ZNF362: variants seen among roughly 807,000 people sequenced by gnomAD.
ZNF362 encodes zinc finger protein 362.
Under a neutral mutation model 42.9 loss-of-function variants are expected in ZNF362, and 11 were observed. The ratio of observed to expected loss-of-function variants is 0.26; its 90% CI spans 0.16 to 0.42. The LOEUF (loss-of-function observed/expected upper bound fraction) is 0.42, where lower values mean the gene tolerates loss of function less well. Among genes scored for constraint, ZNF362 ranks in the 20% least tolerant of loss-of-function variants. The pLI is 1.00. For missense variants in ZNF362, 362 were observed against 576.2 expected (o/e 0.63, Z 3.81); for synonymous variants, 255 against 257.3 (o/e 0.99, Z 0.09).
chr1:33,203,471 T>C, the ZNF362 span, among the ~76,000 whole-genome samples: 1 of 152,206 alleles, frequency 6.6e-6, no homozygotes, highest in African/African-American at 2.4e-5. Flanking sequence ...TGATTTTATT[T>C]CATTTTTGTA....
chr1:33,202,614 C>G, the ZNF362 span, among the ~76,000 whole-genome samples: 1 of 148,306 alleles, frequency 6.7e-6, no homozygotes, highest in Non-Finnish European at 1.5e-5. Flanking sequence ...AAAAAAGACG[C>G]TATATCATGA....
At chr1:33,258,888 G>A (rs914446834) in intron 1 of ZNF362, among the ~76,000 whole-genome samples, 1 of 152,200 alleles carries the variant, frequency 6.6e-6, no homozygotes, top group South Asian at 2.1e-4. Flanking sequence ...GACTCAGAGA[G>A]GTTGAACAGT....
chr1:33,207,437 A>T, the ZNF362 span, among the ~76,000 whole-genome samples: 2 of 152,224 alleles, frequency 1.3e-5, no homozygotes, highest in African/African-American at 4.8e-5. Flanking sequence ...TTATAGCAGC[A>T]TGATTTATAA....
At chr1:33,172,695 A>G in the ZNF362 span, among the ~76,000 whole-genome samples, 1 of 152,110 alleles carries the variant, frequency 6.6e-6, no homozygotes, top group African/African-American at 2.4e-5. Context: ...AGAAGCCAGG[A>G]CTGGGGCAAC....
the ZNF362 span, chr1:33,160,094 G>T: frequency 9.6e-7 from 1 of 1,038,774 alleles, no homozygotes. Flanking sequence ...CAAAAGCATG[G>T]TGGTAGGAAA....
intron 2 of ZNF362, among the ~76,000 whole-genome samples, chr1:33,273,041 C>T (rs538691803): frequency 2.0e-5 from 3 of 152,374 alleles, no homozygotes; most frequent in East Asian, 3.9e-4. Flanking sequence ...GCTGTCTTAC[C>T]CCTTCACCTC....
At chr1:33,182,696 G>A in the ZNF362 span, among the ~76,000 whole-genome samples, 1 of 152,046 alleles carries the variant, frequency 6.6e-6, no homozygotes, top group Admixed American at 6.6e-5. Flanking sequence ...CTTGTCTTGT[G>A]TGCCAGATGG....
the ZNF362 span, among the ~76,000 whole-genome samples, chr1:33,187,945 T>C: frequency 6.6e-6 from 1 of 152,152 alleles, no homozygotes; most frequent in African/African-American, 2.4e-5. Context: ...TAGAAATACA[T>C]GTAAGGGAGG....
At chr1:33,193,829 C>T in the ZNF362 span, among the ~76,000 whole-genome samples, 9 of 152,098 alleles carry the variant, frequency 5.9e-5, no homozygotes, top group Non-Finnish European at 2.9e-5. Context: ...AAGAGCATAG[C>T]CTTAACTAAA....
intron 6 of ZNF362, among the ~76,000 whole-genome samples, chr1:33,286,044 CAG>C (rs1408896076): frequency 1.3e-5 from 2 of 152,112 alleles, no homozygotes; most frequent in Non-Finnish European, 2.9e-5. Context: ...GCCTGGGTGA[CAG>C]AGCAAGACCC....
At chr1:33,264,099 T>C (rs977810444) in intron 1 of ZNF362, among the ~76,000 whole-genome samples, 1 of 152,184 alleles carries the variant, frequency 6.6e-6, no homozygotes, top group African/African-American at 2.4e-5. Context: ...TCCTGGGATA[T>C]AGCAGGGAAG....
chr1:33,153,057 A>AGAGGGGGGGGGGGGGGGGGGGG, the ZNF362 span, among the ~76,000 whole-genome samples: 1 of 66,174 alleles, frequency 1.5e-5, no homozygotes, highest in African/African-American at 6.1e-5. Flanking sequence ...GAGGTGGGGG[A>AGAGGGGGGGGGGGGGGGGGGGG]GGGTGGAAGT....
chr1:33,150,805 C>G, the ZNF362 span, among the ~76,000 whole-genome samples: 1 of 152,060 alleles, frequency 6.6e-6, no homozygotes, highest in Non-Finnish European at 1.5e-5. Flanking sequence ...GGAACCTAAT[C>G]AGACATAGGT....
At chr1:33,220,908 G>A in the ZNF362 span, among the ~76,000 whole-genome samples, 3 of 152,030 alleles carry the variant, frequency 2.0e-5, no homozygotes, top group African/African-American at 4.8e-5. Flanking sequence ...TGTGGGTTTC[G>A]TAGGGAGGAA....
chr1:33,153,720 G>A, the ZNF362 span, among the ~76,000 whole-genome samples: 1 of 152,228 alleles, frequency 6.6e-6, no homozygotes, highest in South Asian at 2.1e-4. Flanking sequence ...AGAGGAGGCA[G>A]TGACTTGTTC....
chr1:33,242,699 C>T, the ZNF362 span, among the ~76,000 whole-genome samples: 1 of 152,120 alleles, frequency 6.6e-6, no homozygotes, highest in Non-Finnish European at 1.5e-5. Flanking sequence ...GAATTAAACC[C>T]CCTGTTGTAC....
chr1:33,298,815 CT>C, intron 8 of ZNF362, 114 bp from the exon 9 acceptor site: 2 of 840,360 alleles, frequency 2.4e-6, no homozygotes, highest in South Asian at 2.9e-5. Flanking sequence ...TGTGGCTGTC[CT>C]CCACCCTCTG....
intron 2 of ZNF362, among the ~76,000 whole-genome samples, chr1:33,272,056 G>A (rs777923162): frequency 6.6e-6 from 1 of 152,024 alleles, no homozygotes; most frequent in South Asian, 2.1e-4. Context: ...GGGGGCTCCC[G>A]CTCTGTCCTG....
At position 33,276,348 on chromosome 1, in the gene ZNF362, C is replaced by G; in HGVS notation, c.103C>G (p.Leu35Val). 1 of 1,550,900 alleles carries G rather than the reference C, an allele frequency of 6.4e-7. No homozygotes were observed. The highest frequency in any genetic ancestry group is 8.7e-7 in the Non-Finnish European group (1 of 1,145,332). Residue 35 changes from leucine to valine, a missense_variant and splice_region_variant, in exon 4 of 9, where the codon CTG (leucine) becomes GTG (valine). By Grantham distance (32) the Leu-to-Val change is conservative (BLOSUM62 1). Coordinates refer to ENST00000539719, the MANE Select transcript of ZNF362 (RefSeq NM_152493.3). The stretch of plus-strand genomic sequence containing the variant: ...TCAGCCCGTCCTCTTCTTCCCGCAG[C>G]TGGACAACCTGGTTCTGATTAACAA... ...WPPPPTMPSQ[L>V]DNLVLINKIK...
Sources: gnomAD v4.1 joint callset for allele counts (sites outside exome capture counted in the v4.1 genomes callset) on GRCh38, gnomAD v4.1.1 for gene constraint, MANE v1.5 for transcripts, NCBI Gene and HGNC (gene_info 2026-07-23, HGNC 2026-07-21) for gene names.